The following SPMAP1 variants were observed in gnomAD, a reference collection of about 807,000 sequenced individuals.
The protein encoded by SPMAP1 is sperm microtubule associated protein 1.
At chr17:38,838,606 A>C in the SPMAP1 span, among the ~76,000 whole-genome samples, 1 of 151,792 alleles carries the variant, frequency 6.6e-6, no homozygotes, top group Non-Finnish European at 1.5e-5. Context: ...CCTCAAAAAT[A>C]AAATAAAATA....
chr17:38,835,228 C>A, the SPMAP1 span: 2 of 1,614,092 alleles, frequency 1.2e-6, no homozygotes, highest in Non-Finnish European at 1.7e-6. Flanking sequence ...CGAAGACGGA[C>A]GTGCTCTGAC....
the SPMAP1 span, among the ~76,000 whole-genome samples, chr17:38,837,498 G>A: frequency 6.6e-6 from 1 of 152,060 alleles, no homozygotes; most frequent in South Asian, 2.1e-4. Context: ...CCAACATGGT[G>A]AAACCCCATC....
the SPMAP1 span, among the ~76,000 whole-genome samples, chr17:38,838,338 C>T: frequency 6.6e-6 from 1 of 151,956 alleles, no homozygotes. Context: ...TGGCTGGGAG[C>T]AGTGTAATCC....
the SPMAP1 span, among the ~76,000 whole-genome samples, chr17:38,836,565 A>ATTTC: frequency 1.1e-4 from 14 of 124,678 alleles, no homozygotes; most frequent in South Asian, 2.8e-4. Flanking sequence ...GTGCTACTGC[A>ATTTC]TTTCTTTCTT....
At chr17:38,838,096 T>C in the SPMAP1 span, among the ~76,000 whole-genome samples, 4 of 152,014 alleles carry the variant, frequency 2.6e-5, no homozygotes, top group Non-Finnish European at 5.9e-5. Context: ...TTGGCCAGGC[T>C]GGTCTCAAAC....
the SPMAP1 span, among the ~76,000 whole-genome samples, chr17:38,840,384 A>G: frequency 6.6e-6 from 1 of 152,068 alleles, no homozygotes; most frequent in African/African-American, 2.4e-5. Flanking sequence ...GGTTTGGGAG[A>G]AGCTGGCTTT....
the SPMAP1 span, chr17:38,835,473 A>G: frequency 1.0e-6 from 1 of 978,072 alleles, no homozygotes; most frequent in Non-Finnish European, 1.5e-6. Context: ...TGAACACGCA[A>G]TCCACAAGTG....
the SPMAP1 span, chr17:38,835,463 T>C: frequency 9.3e-7 from 1 of 1,079,196 alleles, no homozygotes; most frequent in South Asian, 1.5e-5. Flanking sequence ...TTCCCCATGC[T>C]GAACACGCAA....
At chr17:38,837,262 T>A in the SPMAP1 span, 1 of 1,544,522 alleles carries the variant, frequency 6.5e-7, no homozygotes, top group Non-Finnish European at 9.0e-7. Context: ...CAAGAGAAAG[T>A]GGGCAAGAAC....
the SPMAP1 span, among the ~76,000 whole-genome samples, chr17:38,839,531 G>T: frequency 6.7e-6 from 1 of 150,116 alleles, no homozygotes; most frequent in East Asian, 2.0e-4. Flanking sequence ...GCTCACACCT[G>T]TATCCCAGCA....
At chr17:38,835,915 TTTTG>T in the SPMAP1 span, among the ~76,000 whole-genome samples, 11,663 of 151,992 alleles carry the variant, frequency 0.077, 484 homozygotes, top group African/African-American at 0.11. Context: ...AGCAGAATCT[TTTTG>T]TTTGTTTGTT....
At chr17:38,835,393 C>T in the SPMAP1 span, 205 of 1,603,264 alleles carry the variant, frequency 1.3e-4, no homozygotes, top group African/African-American at 2.5e-3. Flanking sequence ...CAGCCCACCT[C>T]TTGGCTTCCC....
chr17:38,837,665 C>G, the SPMAP1 span, among the ~76,000 whole-genome samples: 1 of 148,484 alleles, frequency 6.7e-6, no homozygotes, highest in Non-Finnish European at 1.5e-5. Flanking sequence ...GCAACAAGAG[C>G]CAAACTCCAT....
chr17:38,836,965 A>G, the SPMAP1 span, among the ~76,000 whole-genome samples: 1 of 151,080 alleles, frequency 6.6e-6, no homozygotes, highest in African/African-American at 2.4e-5. Context: ...AAAAAAAATG[A>G]GGTCTGACAT....
At chr17:38,836,340 T>C in the SPMAP1 span, among the ~76,000 whole-genome samples, 1 of 152,018 alleles carries the variant, frequency 6.6e-6, no homozygotes, top group Non-Finnish European at 1.5e-5. Context: ...ATGGCTCATG[T>C]CTGTAATGCC....
the SPMAP1 span, among the ~76,000 whole-genome samples, chr17:38,835,526 AG>A: frequency 6.6e-6 from 1 of 152,196 alleles, no homozygotes; most frequent in Non-Finnish European, 1.5e-5. Context: ...GGTGAGGTTG[AG>A]GGGCAGAAGG....
At chr17:38,837,700 A>G in the SPMAP1 span, among the ~76,000 whole-genome samples, 5,176 of 149,654 alleles carry the variant, frequency 0.035, 109 homozygotes, top group Non-Finnish European at 0.053. Context: ...AAAGAAAAAA[A>G]GAAAAAGAAA....
chr17:38,837,308 A>G, the SPMAP1 span: 1 of 1,060,658 alleles, frequency 9.4e-7, no homozygotes, highest in East Asian at 2.4e-5. Context: ...ACACAGTGCA[A>G]ACTGCCCTGG....
chr17:38,839,749 G>A, the SPMAP1 span, among the ~76,000 whole-genome samples: 1 of 149,078 alleles, frequency 6.7e-6, no homozygotes, highest in Non-Finnish European at 1.5e-5. Flanking sequence ...GCAGTGAGCC[G>A]AGATCCTGCC....
Sources: gnomAD v4.1 joint callset for allele counts (sites outside exome capture counted in the v4.1 genomes callset) on GRCh38, gnomAD v4.1.1 for gene constraint, MANE v1.5 for transcripts, NCBI Gene and HGNC (gene_info 2026-07-23, HGNC 2026-07-21) for gene names.